PTPRO: variants seen among roughly 807,000 people sequenced by gnomAD.
PTPRO encodes protein tyrosine phosphatase receptor type O, also known as receptor-type tyrosine-protein phosphatase O.
PTPRO carries 62 observed loss-of-function variants against 145.2 expected under a neutral mutation model. The ratio of observed to expected loss-of-function variants is 0.43; its 90% confidence interval spans 0.35 to 0.53. PTPRO has a LOEUF of 0.53. Ranked by LOEUF, PTPRO falls within the 20% of genes least tolerant of loss-of-function variation. The probability of loss-of-function intolerance (pLI) is 0.01; values close to 1 mark genes in which losing one functional copy is unlikely to be tolerated. For synonymous variants in PTPRO, 565 were observed against 514.7 expected (o/e 1.10, Z -1.32); for missense variants, 1,345 against 1,482.7 (o/e 0.91, Z 1.53).
At chr12:15,463,595 C>G (rs1941352967) in intron 1 of PTPRO, among the ~76,000 whole-genome samples, 1 of 152,104 alleles carries the variant, frequency 6.6e-6, no homozygotes, top group Non-Finnish European at 1.5e-5. Context: ...TGCAAAATAT[C>G]AGTCTTATTC....
intron 1 of PTPRO, among the ~76,000 whole-genome samples, chr12:15,340,604 T>A (rs1471689982): frequency 6.6e-6 from 1 of 152,214 alleles, no homozygotes; most frequent in Non-Finnish European, 1.5e-5. Flanking sequence ...TGTAATAGAT[T>A]TGATGCTTCT....
In PTPRO at chr12:15,586,943, C is replaced by T. The variant is rs1278291474; in HGVS notation, c.3302C>T (p.Pro1101Leu). ...DVMHFNYTAW[P>L]DHGVPTANAA... ...ATGCATTTTAACTACACTGCATGGC[C>T]TGATCATGGTGTGCCCACAGCAAAT... is the stretch of plus-strand genomic sequence containing the variant. The change falls in exon 24 of 27, where the codon CCT becomes CTT. Residue 1101 changes from proline (P) to leucine (L), a missense_variant. Coordinates refer to ENST00000281171, the MANE Select transcript of PTPRO (RefSeq NM_030667.3). The T allele has an allele frequency of 1.2e-6, 2 of 1,614,106 alleles. No homozygotes were observed. Among genetic ancestry groups the T allele is most frequent in the Non-Finnish European group, 8.5e-7 (1 of 1,180,000 alleles).
Position 15,596,877 on chromosome 12 carries a change from T to C in PTPRO, c.*804T>C, listed in dbSNP as rs1176963691. ...AAACCACATCTGGTTCAGAAGAGTG[T>C]CAAGTTGGACTCTTTGAACTCTGTT... On this transcript the variant is annotated 3_prime_UTR_variant, in exon 27 of 27. Transcript: ENST00000281171. 3 of 152,652 alleles carry C rather than the reference T, an allele frequency of 2.0e-5. No individual in the cohort carries two copies. The allele number at this position is 152,652 out of a possible 1,614,324, so 9.5% of individuals were successfully genotyped here.
chr12:15,535,670 A>G (rs1943052596), intron 12 of PTPRO, among the ~76,000 whole-genome samples: 1 of 152,192 alleles, frequency 6.6e-6, no homozygotes, highest in South Asian at 2.1e-4. Context: ...CTTTTTATCC[A>G]TCTGCTGCTT....
chr12:15,410,786 T>A (rs547278247), intron 1 of PTPRO: 26 of 152,306 alleles, frequency 1.7e-4, no homozygotes, highest in African/African-American at 5.8e-4. Context: ...AACCACAGTG[T>A]CCTTATTGAA....
chr12:15,372,877 A>G (rs536329236), intron 1 of PTPRO, among the ~76,000 whole-genome samples: 3 of 152,268 alleles, frequency 2.0e-5, no homozygotes, highest in South Asian at 2.1e-4. Context: ...TATGTAGGCA[A>G]TGCTGCAGAG....
intron 1 of PTPRO, among the ~76,000 whole-genome samples, chr12:15,380,480 G>A (rs753465103): frequency 1.3e-5 from 2 of 152,172 alleles, no homozygotes; most frequent in Non-Finnish European, 2.9e-5. Context: ...CAATGAAATA[G>A]ACTCAAAGAA....
At chr12:15,585,080 C>T (rs182450739) in intron 23 of PTPRO, among the ~76,000 whole-genome samples, 6 of 152,282 alleles carry the variant, frequency 3.9e-5, no homozygotes, top group Non-Finnish European at 7.4e-5. Flanking sequence ...CGTGTAGCTG[C>T]GGAGAAACTA....
chr12:15,491,157 C>T (rs181012187), intron 2 of PTPRO, among the ~76,000 whole-genome samples: 20 of 152,254 alleles, frequency 1.3e-4, no homozygotes, highest in Admixed American at 4.6e-4. Flanking sequence ...GGCCTCAGTC[C>T]AGTCTCTTTT....
At chr12:15,476,705 G>T (rs997542866) in intron 1 of PTPRO, among the ~76,000 whole-genome samples, 1 of 150,110 alleles carries the variant, frequency 6.7e-6, no homozygotes, top group African/African-American at 2.5e-5. Flanking sequence ...TTAGGTCTCA[G>T]TTCTCAAAAG....
intron 1 of PTPRO, among the ~76,000 whole-genome samples, chr12:15,407,646 C>T (rs1290146498): frequency 1.3e-5 from 2 of 152,208 alleles, no homozygotes. Context: ...GCAATTACAG[C>T]TAGGGTTTCT....
chr12:15,491,344 C>CA (rs1290314295), intron 2 of PTPRO, among the ~76,000 whole-genome samples: 8 of 152,316 alleles, frequency 5.3e-5, no homozygotes, highest in Admixed American at 5.2e-4. Flanking sequence ...CAGAAAGAAG[C>CA]AACTCAGCAG....
intron 1 of PTPRO, among the ~76,000 whole-genome samples, chr12:15,370,582 A>G (rs1468445166): frequency 6.6e-6 from 1 of 152,188 alleles, no homozygotes; most frequent in Non-Finnish European, 1.5e-5. Context: ...CAATTCAGGC[A>G]AGGGGACGAT....
chr12:15,457,492 T>C (rs141255723), intron 1 of PTPRO, among the ~76,000 whole-genome samples: 3 of 152,318 alleles, frequency 2.0e-5, no homozygotes, highest in Non-Finnish European at 4.4e-5. Flanking sequence ...TTTAAAGTAA[T>C]CATTGCTAAG....
chr12:15,499,479 G>T lies in PTPRO; in HGVS notation c.546G>T (p.Leu182=), dbSNP rs764549616. Residue 182 remains leucine, a synonymous_variant, in exon 4 of 27, where the codon CTG becomes CTT. Coordinates refer to ENST00000281171, the MANE Select transcript of PTPRO (RefSeq NM_030667.3). ...GAAAAACAGTATTTAATCACTGGCT[G>T]CCAGGAATGTGTTATAGTAATATCA... is the stretch of plus-strand genomic sequence containing the variant. ...FKGKTVFNHW[L]PGMCYSNITF... is the part of the protein sequence containing the mutation. 1 of 1,613,548 alleles carries T rather than the reference G, an allele frequency of 6.2e-7. No individual in the cohort carries two copies. The highest frequency in any genetic ancestry group is 1.1e-5 in the South Asian group (1 of 91,066).
intron 1 of PTPRO, among the ~76,000 whole-genome samples, chr12:15,392,333 G>C (rs1362167296): frequency 1.3e-5 from 2 of 152,154 alleles, no homozygotes; most frequent in Non-Finnish European, 2.9e-5. Context: ...CCACCAACTG[G>C]CTATAGCCAT....
chr12:15,420,508 G>A (rs942393538), intron 1 of PTPRO, among the ~76,000 whole-genome samples: 1 of 151,634 alleles, frequency 6.6e-6, no homozygotes, highest in Non-Finnish European at 1.5e-5. Context: ...TCAGGCACCT[G>A]TTCCTTCCCG....
At chr12:15,517,111 C>A (rs1942616323) in intron 9 of PTPRO, 155 bp downstream of exon 9, 2 of 781,766 alleles carry the variant, frequency 2.6e-6, no homozygotes, top group South Asian at 1.5e-5. Context: ...AAAGAAATAG[C>A]CAAGACTGAG....
chr12:15,424,701 G>T (rs993123), intron 1 of PTPRO, among the ~76,000 whole-genome samples: 68,324 of 151,686 alleles, frequency 0.45, 16,678 homozygotes, highest in South Asian at 0.61. Context: ...CATCTGAGCT[G>T]AGTCTTAAAA....
Sources: gnomAD v4.1 joint callset for allele counts (sites outside exome capture counted in the v4.1 genomes callset) on GRCh38, gnomAD v4.1.1 for gene constraint, MANE v1.5 for transcripts, NCBI Gene and HGNC (gene_info 2026-07-23, HGNC 2026-07-21) for gene names.